Variants in COLEC12 observed in about 807,000 individuals in gnomAD.
COLEC12 encodes collectin-12.
Under a neutral mutation model 71.1 loss-of-function variants are expected in COLEC12, and 33 were observed. The ratio of observed to expected loss-of-function variants is 0.46; its 90% confidence interval spans 0.35 to 0.62. The LOEUF (loss-of-function observed/expected upper bound fraction) is 0.62. COLEC12 is among the 20% of genes least tolerant of loss of function. COLEC12 has a pLI of 0.00. For synonymous variants in COLEC12, 350 were observed against 353.0 expected, an observed-to-expected ratio of 0.99 and a Z score of 0.10; for missense variants, 765 against 916.1, an observed-to-expected ratio of 0.84 and a Z score of 2.13.
At chr18:330,873 G>GTT (rs60146586) in intron 8 of COLEC12, among the ~76,000 whole-genome samples, 6,338 of 133,544 alleles carry the variant, frequency 0.047, 218 homozygotes, top group Middle Eastern at 0.069. Flanking sequence ...CACATTTGTA[G>GTT]TTTTTTTTTT....
At chr18:403,997 T>C (rs906210130) in intron 2 of COLEC12, among the ~76,000 whole-genome samples, 10 of 152,234 alleles carry the variant, frequency 6.6e-5, no homozygotes. Context: ...TTGGTTGGGT[T>C]ATTTATTTAT....
In COLEC12 at chr18:498,363, C is replaced by CTTTTTTTTTTTTTTTTT. The variant is rs542727500; in HGVS notation, c.7+2144_7+2145insAAAAAAAAAAAAAAAAA. ...AAAACTCTCATGGAATATTTTTTTT[C>CTTTTTTTTTTTTTTTTT]TTTTTTTTTTTTTTAGACGGAGTCT... On this transcript the variant is annotated intron_variant, in intron 1 of 9. Transcript: ENST00000400256. Among the ~76,000 whole-genome samples, 9 of 100,762 alleles carry CTTTTTTTTTTTTTTTTT rather than the reference C, an allele frequency of 8.9e-5. 1 individual carries two copies. The highest frequency in any genetic ancestry group is 1.0e-4 in the Admixed American group (1 of 9,702). 66.1% of individuals were successfully genotyped at this position (100,762 alleles called of 152,430 possible). A position where few individuals can be genotyped will look rare whatever the true frequency, so the allele number is the denominator to read the frequency against.
At chr18:428,721 C>T (rs1382618562) in intron 2 of COLEC12, among the ~76,000 whole-genome samples, 2 of 152,090 alleles carry the variant, frequency 1.3e-5, no homozygotes, top group Non-Finnish European at 2.9e-5. Flanking sequence ...TATAATATAA[C>T]TTGGGAGAAT....
At chr18:347,377 T>TA in intron 4 of COLEC12, 36 bp from the exon 5 acceptor site, 1 of 1,559,326 alleles carries the variant, frequency 6.4e-7, no homozygotes, top group Non-Finnish European at 8.8e-7. Context: ...ATATTGGTGG[T>TA]ATGGAGAAGT....
intron 2 of COLEC12, among the ~76,000 whole-genome samples, chr18:418,719 T>C (rs892468839): frequency 6.6e-6 from 1 of 152,322 alleles, no homozygotes; most frequent in African/African-American, 2.4e-5. Context: ...ACAGATGCCA[T>C]GGCAACATCA....
At chr18:364,553 A>G (rs987886281) in intron 2 of COLEC12, among the ~76,000 whole-genome samples, 1 of 152,270 alleles carries the variant, frequency 6.6e-6, no homozygotes, top group Non-Finnish European at 1.5e-5. Flanking sequence ...TGACTACTTC[A>G]TTATCTGGCA....
At chr18:381,797 T>A (rs538610910) in intron 2 of COLEC12, among the ~76,000 whole-genome samples, 2 of 152,294 alleles carry the variant, frequency 1.3e-5, no homozygotes, top group African/African-American at 2.4e-5. Context: ...GTGCAGTAGA[T>A]AAAACAATAA....
At chr18:344,230 G>T (rs904699612) in intron 5 of COLEC12, among the ~76,000 whole-genome samples, 2 of 152,162 alleles carry the variant, frequency 1.3e-5, no homozygotes, top group African/African-American at 4.8e-5. Flanking sequence ...GGGGCATCCT[G>T]ATTGAGTAGG....
At chr18:355,288 G>A (rs1914607868) in intron 3 of COLEC12, among the ~76,000 whole-genome samples, 1 of 152,108 alleles carries the variant, frequency 6.6e-6, no homozygotes. Flanking sequence ...TGGGTGCTAT[G>A]GGAACAAACA....
chr18:348,545 T>C (rs1006936391), intron 3 of COLEC12, among the ~76,000 whole-genome samples: 12 of 152,216 alleles, frequency 7.9e-5, no homozygotes, highest in African/African-American at 2.7e-4. Context: ...CAAAATGTTG[T>C]CACTCATCAG....
intron 3 of COLEC12, among the ~76,000 whole-genome samples, chr18:353,104 T>C (rs1436744491): frequency 1.3e-5 from 2 of 152,214 alleles, no homozygotes; most frequent in Non-Finnish European, 2.9e-5. Flanking sequence ...TATCATCCCT[T>C]GGCCTGGGCC....
intron 2 of COLEC12, among the ~76,000 whole-genome samples, chr18:457,544 C>T (rs796081786): frequency 2.3e-4 from 35 of 152,250 alleles, no homozygotes; most frequent in African/African-American, 8.2e-4. Flanking sequence ...TAGAGCTTCC[C>T]CCATCTCTGC....
intron 5 of COLEC12, among the ~76,000 whole-genome samples, chr18:345,322 ATT>A (rs1346873065): frequency 1.3e-5 from 2 of 152,208 alleles, no homozygotes; most frequent in Non-Finnish European, 2.9e-5. Context: ...AGGACTTTTA[ATT>A]TATATGGATG....
In COLEC12 at chr18:408,055, T is replaced by C. The variant is rs75904203; in HGVS notation, c.59-50533A>G. Among the ~76,000 whole-genome samples, 1 of 152,156 alleles carries C rather than the reference T, an allele frequency of 6.6e-6. No individual in the cohort carries two copies. The highest frequency in any genetic ancestry group is 2.4e-5 in the African/African-American group (1 of 41,430). On this transcript the variant is annotated intron_variant, in intron 2 of 9. Coordinates refer to ENST00000400256, the MANE Select transcript of COLEC12 (RefSeq NM_130386.3). This position sits in a 1 kb window ranked among gnomAD's most constrained non-coding sequence, Gnocchi z 4.3. ...TGACTCATGCAGAGAAGGAATCCAG[T>C]TGGCACTAACCTAGGAAATGAATTT...
intron 2 of COLEC12, among the ~76,000 whole-genome samples, chr18:373,559 T>A (rs561854119): frequency 6.6e-6 from 1 of 152,352 alleles, no homozygotes; most frequent in South Asian, 2.1e-4. Context: ...TTATGTACCA[T>A]AAACTGTGCA....
At chr18:404,999 G>A (rs1915758107) in intron 2 of COLEC12, among the ~76,000 whole-genome samples, 1 of 152,068 alleles carries the variant, frequency 6.6e-6, no homozygotes, top group African/African-American at 2.4e-5. Flanking sequence ...CCTGGGGGGA[G>A]GTCTATAAAC....
intron 2 of COLEC12, among the ~76,000 whole-genome samples, chr18:442,002 TACACACACACAC>T (rs56024245): frequency 0.031 from 3,798 of 120,754 alleles, 62 homozygotes; most frequent in Middle Eastern, 0.058. Context: ...TCTCTCTCTC[TACACACACACAC>T]ACACACACAC....
intron 3 of COLEC12, among the ~76,000 whole-genome samples, chr18:348,728 T>G (rs1332012603): frequency 6.6e-6 from 1 of 152,246 alleles, no homozygotes; most frequent in Non-Finnish European, 1.5e-5. Context: ...ATCTGCTTTT[T>G]GTTAGTGACA....
chr18:369,401 T>TTTTTTTA (rs1358372510), intron 2 of COLEC12, among the ~76,000 whole-genome samples: 4 of 132,456 alleles, frequency 3.0e-5, no homozygotes, highest in South Asian at 4.7e-4. Flanking sequence ...TTTTTTATTT[T>TTTTTTTA]TTTTTATTTT....
Sources: allele counts gnomAD v4.1 joint callset (sites outside exome capture counted in the v4.1 genomes callset), GRCh38; gene constraint gnomAD v4.1.1; non-coding constraint Gnocchi (gnomAD v3.1); transcripts MANE v1.5; gene names NCBI Gene and HGNC (gene_info 2026-07-23, HGNC 2026-07-21).